Variants in GRAMD4 observed in about 807,000 individuals in gnomAD.
GRAMD4 encodes the protein GRAM domain containing 4.
Under a neutral mutation model 83.9 loss-of-function variants are expected in GRAMD4, and 25 were observed. The ratio of observed to expected loss-of-function variants is 0.30; its 90% confidence interval spans 0.22 to 0.42. The LOEUF (loss-of-function observed/expected upper bound fraction) is 0.42. Among genes scored for constraint, GRAMD4 ranks in the 10% least tolerant of loss-of-function variants. The pLI is 1.00. For synonymous variants in GRAMD4, 336 were observed against 320.9 expected (o/e 1.05, Z -0.50); for missense variants, 593 against 788.7 (o/e 0.75, Z 2.97).
intron 3 of GRAMD4, among the ~76,000 whole-genome samples, chr22:46,641,880 C>T (rs1040334281): frequency 2.0e-5 from 3 of 152,240 alleles, no homozygotes; most frequent in Non-Finnish European, 4.4e-5. Context: ...CGTTTGGCTC[C>T]GCCAAGGAGT....
intron 5 of GRAMD4, among the ~76,000 whole-genome samples, chr22:46,661,774 A>G (rs2082331369): frequency 6.6e-6 from 1 of 152,228 alleles, no homozygotes. Flanking sequence ...GTGATGTGAG[A>G]GCCACGCTGG....
chr22:46,680,717 CCCACCCACCCATCCAT>C (rs2082662564), downstream of GRAMD4, among the ~76,000 whole-genome samples: 3 of 129,940 alleles, frequency 2.3e-5, no homozygotes, highest in Non-Finnish European at 5.0e-5. Context: ...CATCCATCCA[CCCACCCACCCATCCAT>C]CCACCCACCC....
chr22:46,652,371 A>G (rs1343101686), intron 3 of GRAMD4, among the ~76,000 whole-genome samples: 1 of 152,164 alleles, frequency 6.6e-6, no homozygotes, highest in East Asian at 1.9e-4. Flanking sequence ...CCCTTCCCGG[A>G]GCCTGCAGAA....
intron 3 of GRAMD4, 151 bp from the exon 4 acceptor site, chr22:46,658,036 C>G (rs927304510): frequency 4.9e-5 from 45 of 916,386 alleles, no homozygotes; most frequent in Non-Finnish European, 7.8e-5. Context: ...TGTGAGCGCC[C>G]CGCACCCTGG....
In GRAMD4 at chr22:46,662,957, T is replaced by G. The variant is rs2082350435; in HGVS notation, c.467-83T>G. 1.4e-5 allele frequency: 19 copies of G among 1,372,468 alleles called. No homozygotes were observed. In the Admixed American group the frequency reaches 1.7e-4, roughly 12 times the overall value. 85.0% of individuals were successfully genotyped at this position (1,372,468 alleles called of 1,614,324 possible). A position where few individuals can be genotyped will look rare whatever the true frequency, so the allele number is the denominator to read the frequency against. On this transcript the variant is annotated intron_variant, in intron 5 of 18. Transcript: ENST00000406902. Reference sequence around the variant, plus strand: ...GGCCGCGCCCTTGCAGTGAGGCCCCTCCCTGCCCTGAGATCCCGGAGCCGA... The same window carrying G: ...GGCCGCGCCCTTGCAGTGAGGCCCCGCCCTGCCCTGAGATCCCGGAGCCGA...
intron 1 of GRAMD4, among the ~76,000 whole-genome samples, chr22:46,609,815 C>T (rs900681376): frequency 6.6e-6 from 1 of 152,236 alleles, no homozygotes; most frequent in Non-Finnish European, 1.5e-5. Context: ...CTGGCTTCAC[C>T]AGTCTTCTTC....
intron 1 of GRAMD4, among the ~76,000 whole-genome samples, chr22:46,577,585 A>G (rs763353532): frequency 1.5e-4 from 22 of 151,356 alleles, no homozygotes; most frequent in Non-Finnish European, 2.2e-4. Context: ...CGGGGCCCGG[A>G]CTGGGGTGGG....
At chr22:46,623,692 G>A (rs956545256) in intron 1 of GRAMD4, among the ~76,000 whole-genome samples, 9 of 152,046 alleles carry the variant, frequency 5.9e-5, no homozygotes, top group East Asian at 1.9e-4. Flanking sequence ...CACCATGCCC[G>A]GCCTAGTTTC....
chr22:46,585,135 G>A (rs1023392489), intron 1 of GRAMD4, among the ~76,000 whole-genome samples: 11 of 152,054 alleles, frequency 7.2e-5, no homozygotes, highest in African/African-American at 1.2e-4. Context: ...GTTTGTCGGC[G>A]GTGTTTTCCA....
At chr22:46,579,057 C>T (rs746287483) in intron 1 of GRAMD4, among the ~76,000 whole-genome samples, 1 of 152,244 alleles carries the variant, frequency 6.6e-6, no homozygotes, top group Non-Finnish European at 1.5e-5. Flanking sequence ...GCCATGCAGC[C>T]TGGGGGCAGG....
intron 1 of GRAMD4, among the ~76,000 whole-genome samples, chr22:46,581,248 C>T (rs1353622789): frequency 6.6e-6 from 1 of 152,260 alleles, no homozygotes; most frequent in Non-Finnish European, 1.5e-5. Context: ...CTATCAAAAA[C>T]ATTAATAATA....
At position 46,663,087 on chromosome 22, in the gene GRAMD4, G is replaced by A. The variant is rs751515876; in HGVS notation, c.514G>A (p.Glu172Lys). Residue 172 changes from glutamate (E) to lysine (K), a missense_variant, in exon 6 of 19, where the codon GAG (glutamate) becomes AAG (lysine). This residue lies in a region of GRAMD4 where 312 missense variants were observed against 350.7 expected (regional missense o/e 0.89). Coordinates refer to ENST00000406902, the MANE Select transcript of GRAMD4 (RefSeq NM_015124.5). ...CTCGCGCCTGCAGAAGTGGTTCTAC[G>A]AGCGGTTTGGGGAGTACGTGGAGGA... ...LSSRLQKWFY[E>K]RFGEYVEDFR... 15 of 1,612,152 alleles carry A rather than the reference G, an allele frequency of 9.3e-6. No individual in the cohort carries two copies. In the African/African-American group the frequency reaches 9.3e-5, roughly 10 times the overall value.
intron 1 of GRAMD4, among the ~76,000 whole-genome samples, chr22:46,590,404 G>A (rs1263489600): frequency 2.0e-5 from 3 of 152,214 alleles, no homozygotes; most frequent in Non-Finnish European, 2.9e-5. Flanking sequence ...AGCTGAGAAG[G>A]TGCCGGGGAT....
chr22:46,585,193 CTTT>C (rs61489516), intron 1 of GRAMD4, among the ~76,000 whole-genome samples: 8 of 141,646 alleles, frequency 5.6e-5, no homozygotes, highest in Admixed American at 7.1e-5. Flanking sequence ...TTCTTTCTTT[CTTT>C]TTTTTTTTTT....
At chr22:46,589,118 A>G (rs1475759437) in intron 1 of GRAMD4, among the ~76,000 whole-genome samples, 4 of 151,988 alleles carry the variant, frequency 2.6e-5, no homozygotes, top group African/African-American at 9.7e-5. Context: ...GACACTCCCC[A>G]GCCTGCTGGT....
rs747487738 is a variant in GRAMD4 at position 46,658,353 on chromosome 22, AC to A, written c.404+52del. Reference sequence around the variant, plus strand: ...CCCTGGCCTGTGTGCGGCTGCCCCAACCCCCCACCCCACCCGCCCCGCCGTC... The same window carrying A: ...CCCTGGCCTGTGTGCGGCTGCCCCAACCCCCACCCCACCCGCCCCGCCGTC... On this transcript the variant is annotated intron_variant, in intron 4 of 18. Transcript: ENST00000406902. 1.5e-5 allele frequency: 23 copies of A among 1,496,970 alleles called. No individual in the cohort carries two copies. In the South Asian group the frequency reaches 1.7e-4, roughly 11 times the overall value. 92.7% of individuals were successfully genotyped at this position (1,496,970 alleles called of 1,614,324 possible). A position where few individuals can be genotyped will look rare whatever the true frequency, so the allele number is the denominator to read the frequency against.
downstream of GRAMD4, chr22:46,679,916 G>A (rs983019433): frequency 5.9e-6 from 2 of 339,874 alleles, no homozygotes; most frequent in Non-Finnish European, 8.3e-6. Context: ...GGCTGCCGGC[G>A]GCGGGGCGTT....
At chr22:46,653,775 G>A (rs2082201388) in intron 3 of GRAMD4, among the ~76,000 whole-genome samples, 1 of 152,198 alleles carries the variant, frequency 6.6e-6, no homozygotes. Context: ...CAAGATCAGA[G>A]GAGGTGATGT....
upstream of GRAMD4, among the ~76,000 whole-genome samples, chr22:46,576,360 A>G (rs1393786765): frequency 6.6e-6 from 1 of 150,688 alleles, no homozygotes; most frequent in East Asian, 1.9e-4. Context: ...TGAGCTAGAC[A>G]GCCTTAAAGC....
Sources: gnomAD v4.1 joint callset for allele counts (sites outside exome capture counted in the v4.1 genomes callset) on GRCh38, gnomAD v4.1.1 for gene constraint, gnomAD v4.1.1 regional missense constraint, MANE v1.5 for transcripts, NCBI Gene and HGNC (gene_info 2026-07-23, HGNC 2026-07-21) for gene names.